Variants in LMNTD1 observed in about 807,000 individuals in gnomAD.
LMNTD1 encodes the protein lamin tail domain-containing protein 1.
In LMNTD1, 35 loss-of-function variants were observed where a neutral mutation model predicts 50.9. The ratio of observed to expected loss-of-function variants is 0.69; its 90% confidence interval spans 0.53 to 0.91. The LOEUF (loss-of-function observed/expected upper bound fraction) is 0.91, where lower values mean the gene tolerates loss of function less well. LMNTD1 is among the 40% of genes least tolerant of loss of function. The pLI is 0.00. For missense variants in LMNTD1, 470 were observed against 475.5 expected, an observed-to-expected ratio of 0.99 and a Z score of 0.11; for synonymous variants, 153 against 161.9, an observed-to-expected ratio of 0.94 and a Z score of 0.42.
At chr12:25,643,426 G>C (rs1393194791) in intron 1 of LMNTD1, among the ~76,000 whole-genome samples, 1 of 152,144 alleles carries the variant, frequency 6.6e-6, no homozygotes, top group African/African-American at 2.4e-5. Flanking sequence ...AGATGAAAAA[G>C]GTTAACAAGG....
rs555816781 is a variant in LMNTD1, at chr12:25,487,076, G to A, written c.*23-10616C>T. On this transcript the variant is annotated intron_variant, in intron 9 of 9. Transcript: ENST00000458174. ...CAAGTATGTGGTCAATTTTGGAATAGGTGTGGTGTGGTGCTGAAAAAAATG... is the reference window on the plus strand; with the variant it reads ...CAAGTATGTGGTCAATTTTGGAATAAGTGTGGTGTGGTGCTGAAAAAAATG... Among the ~76,000 whole-genome samples, 525 of 149,614 alleles carry A rather than the reference G, an allele frequency of 3.5e-3. 6 individuals carry two copies. The highest frequency in any genetic ancestry group is 0.012 in the African/African-American group (500 of 40,482).
intron 1 of LMNTD1, among the ~76,000 whole-genome samples, chr12:25,576,542 GA>G (rs1198975941): frequency 6.6e-6 from 1 of 152,014 alleles, no homozygotes; most frequent in Non-Finnish European, 1.5e-5. Context: ...GGGGTTGTTT[GA>G]TTTTTTTCTT....
intron 1 of LMNTD1, among the ~76,000 whole-genome samples, chr12:25,625,814 C>G (rs947177815): frequency 6.6e-6 from 1 of 152,190 alleles, no homozygotes; most frequent in African/African-American, 2.4e-5. Context: ...GGAGAGACAA[C>G]CCCAGAGCCT....
chr12:25,522,484 T>A (rs577497059), intron 6 of LMNTD1, among the ~76,000 whole-genome samples: 1 of 152,326 alleles, frequency 6.6e-6, no homozygotes, highest in African/African-American at 2.4e-5. Context: ...TATTGAGAGT[T>A]AGAAGATATG....
At chr12:25,542,012 C>T (rs1326790488) in intron 4 of LMNTD1, among the ~76,000 whole-genome samples, 2 of 151,944 alleles carry the variant, frequency 1.3e-5, no homozygotes, top group Admixed American at 1.3e-4. Flanking sequence ...CAAATCAAAA[C>T]CACAATGAGA....
intron 4 of LMNTD1, among the ~76,000 whole-genome samples, chr12:25,529,847 G>A (rs1286205912): frequency 6.6e-6 from 1 of 152,032 alleles, no homozygotes; most frequent in Non-Finnish European, 1.5e-5. Flanking sequence ...TACCTTATCT[G>A]TCAACTTCTT....
At chr12:25,622,885 G>A (rs921561351) in intron 1 of LMNTD1, among the ~76,000 whole-genome samples, 1 of 134,720 alleles carries the variant, frequency 7.4e-6, no homozygotes, top group Non-Finnish European at 1.6e-5. Flanking sequence ...AAGACATTTT[G>A]CCAGGATGGC....
chr12:25,478,877 ATT>A (rs35152375), intron 9 of LMNTD1, among the ~76,000 whole-genome samples: 2 of 147,446 alleles, frequency 1.4e-5, no homozygotes, highest in African/African-American at 2.5e-5. Flanking sequence ...GCAGGTCATG[ATT>A]TTTTTTTTTT....
chr12:25,533,992 G>C (rs973368747), intron 4 of LMNTD1, among the ~76,000 whole-genome samples: 1 of 152,192 alleles, frequency 6.6e-6, no homozygotes, highest in Non-Finnish European at 1.5e-5. Flanking sequence ...GGTTGAGATG[G>C]AGGATGAATG....
chr12:25,502,276 A>T (rs936375547), intron 9 of LMNTD1, among the ~76,000 whole-genome samples: 9 of 152,102 alleles, frequency 5.9e-5, no homozygotes, highest in African/African-American at 2.2e-4. Context: ...TCCAACTCAT[A>T]TGCAAATTCA....
chr12:25,553,314 A>G, upstream of LMNTD1: 2 of 1,314,700 alleles, frequency 1.5e-6, no homozygotes, highest in Non-Finnish European at 2.0e-6. Context: ...ACTGCCTCTT[A>G]GAACTATGAG....
upstream of LMNTD1, among the ~76,000 whole-genome samples, chr12:25,554,221 T>C (rs941834409): frequency 2.6e-5 from 4 of 152,238 alleles, no homozygotes; most frequent in African/African-American, 9.6e-5. Flanking sequence ...AATGGGCTTG[T>C]CATTTCTTGT....
intron 8 of LMNTD1, among the ~76,000 whole-genome samples, chr12:25,513,452 A>G (rs1281216315): frequency 6.6e-6 from 1 of 152,212 alleles, no homozygotes; most frequent in Non-Finnish European, 1.5e-5. Flanking sequence ...CCTGGCCAAC[A>G]TGGCAAAGCC....
chr12:25,645,703 G>A (rs1947055232), intron 1 of LMNTD1, among the ~76,000 whole-genome samples: 1 of 152,214 alleles, frequency 6.6e-6, no homozygotes, highest in Non-Finnish European at 1.5e-5. Flanking sequence ...ACCCAGCCGT[G>A]ACATGTAGCA....
intron 1 of LMNTD1, among the ~76,000 whole-genome samples, chr12:25,614,646 C>G (rs999949843): frequency 2.0e-5 from 3 of 152,154 alleles, no homozygotes; most frequent in South Asian, 4.1e-4. Flanking sequence ...GTAGAACAGA[C>G]TTGGCAGATT....
intron 9 of LMNTD1, among the ~76,000 whole-genome samples, chr12:25,480,462 G>C (rs1938408670): frequency 6.6e-6 from 1 of 152,148 alleles, no homozygotes; most frequent in African/African-American, 2.4e-5. Context: ...TAATGTAGTA[G>C]GTGGAAGGAT....
intron 9 of LMNTD1, among the ~76,000 whole-genome samples, chr12:25,477,655 A>G (rs1007738362): frequency 1.3e-5 from 2 of 152,102 alleles, no homozygotes; most frequent in Non-Finnish European, 2.9e-5. Flanking sequence ...TTCCTGGTGG[A>G]GTGACCCAAA....
intron 1 of LMNTD1, among the ~76,000 whole-genome samples, chr12:25,567,277 G>C (rs2136333260): frequency 6.6e-6 from 1 of 152,224 alleles, no homozygotes; most frequent in African/African-American, 2.4e-5. Flanking sequence ...TTCTTCAGCT[G>C]TTCTATTATT....
intron 6 of LMNTD1, among the ~76,000 whole-genome samples, chr12:25,520,803 A>C (rs909618872): frequency 1.3e-5 from 2 of 152,194 alleles, no homozygotes; most frequent in Non-Finnish European, 2.9e-5. Flanking sequence ...GGCTGCACCA[A>C]TCTACATTCC....
Sources: gnomAD v4.1 joint callset for allele counts (sites outside exome capture counted in the v4.1 genomes callset) on GRCh38, gnomAD v4.1.1 for gene constraint, MANE v1.5 for transcripts, NCBI Gene and HGNC (gene_info 2026-07-23, HGNC 2026-07-21) for gene names.